TRIM23: variants seen among roughly 807,000 people sequenced by gnomAD.
The protein encoded by TRIM23 is tripartite motif containing 23.
A neutral mutation model predicts 71.0 loss-of-function variants in TRIM23; 27 were observed. That is an observed-to-expected ratio of 0.38 (90% CI 0.28 to 0.52). The LOEUF (loss-of-function observed/expected upper bound fraction) is 0.52. TRIM23 is among the 20% of genes least tolerant of loss of function. TRIM23 has a pLI of 0.84. For missense variants in TRIM23, 482 were observed against 692.3 expected (o/e 0.70, Z 3.41); for synonymous variants, 234 against 238.0 (o/e 0.98, Z 0.16).
At chr5:65,608,294 C>T (rs991080954) in intron 6 of TRIM23, among the ~76,000 whole-genome samples, 2 of 152,012 alleles carry the variant, frequency 1.3e-5, no homozygotes, top group Admixed American at 1.3e-4. Context: ...ATTATGAGGT[C>T]TGTAGAGTTC....
chr5:65,595,854 G>A (rs1036058235), intron 9 of TRIM23, among the ~76,000 whole-genome samples: 26 of 152,130 alleles, frequency 1.7e-4, no homozygotes, highest in Non-Finnish European at 3.8e-4. Context: ...CGGCATGAGC[G>A]TAAGCATTAT....
chr5:65,593,135 T>A (rs1754090038), intron 10 of TRIM23, among the ~76,000 whole-genome samples: 1 of 152,106 alleles, frequency 6.6e-6, no homozygotes, highest in Admixed American at 6.6e-5. Flanking sequence ...CTCAGTTTAA[T>A]AACCCACGAA....
Position 65,590,605 on chromosome 5 carries a change from T to C in TRIM23, c.*1164A>G. The C allele has an allele frequency of 2.0e-6, 2 of 1,006,458 alleles. No homozygotes were observed. Among genetic ancestry groups the C allele is most frequent in the Non-Finnish European group, 2.4e-6 (2 of 836,358 alleles). 62.3% of individuals were successfully genotyped at this position (1,006,458 alleles called of 1,614,324 possible). A position where few individuals can be genotyped will look rare whatever the true frequency, so the allele number is the denominator to read the frequency against. On this transcript the variant is annotated 3_prime_UTR_variant, in exon 11 of 11. Transcript: ENST00000231524. ...ATAAATCGTGCTTCCATAATAATATTCTTTAAAAATGAAAAACAGTAAAGA... is the reference window on the plus strand; with the variant it reads ...ATAAATCGTGCTTCCATAATAATATCCTTTAAAAATGAAAAACAGTAAAGA...
chr5:65,603,961 G>A (rs1266577324), intron 7 of TRIM23, among the ~76,000 whole-genome samples: 1 of 88,396 alleles, frequency 1.1e-5, no homozygotes, highest in African/African-American at 5.6e-5. Flanking sequence ...TGATATTTTG[G>A]CTTTTTTTTT....
intron 1 of TRIM23, among the ~76,000 whole-genome samples, chr5:65,622,460 C>T (rs373299189): frequency 6.6e-6 from 1 of 152,298 alleles, no homozygotes; most frequent in East Asian, 1.9e-4. Context: ...GCTTTACAGG[C>T]GTGTGCCACC....
At chr5:65,614,679 G>A (rs1400835753) in intron 2 of TRIM23, among the ~76,000 whole-genome samples, 3 of 148,242 alleles carry the variant, frequency 2.0e-5, no homozygotes, top group Admixed American at 6.8e-5. Context: ...AGGTTGCAGT[G>A]AGCCAAGATC....
In TRIM23 at chr5:65,591,086, T is replaced by C; in HGVS notation, c.*683A>G. On this transcript the variant is annotated 3_prime_UTR_variant, in exon 11 of 11. Transcript: ENST00000231524. The stretch of plus-strand genomic sequence containing the variant: ...CACAGTTTTATTACTGTTCAGTTTA[T>C]TACTAACCTGACAAGCCTAATTGGG... The C allele has an allele frequency of 5.9e-6, 6 of 1,015,600 alleles. No individual in the cohort carries two copies. The highest frequency in any genetic ancestry group is 7.1e-6 in the Non-Finnish European group (6 of 850,082). 62.9% of individuals were successfully genotyped at this position (1,015,600 alleles called of 1,614,324 possible).
intron 1 of TRIM23, among the ~76,000 whole-genome samples, chr5:65,622,436 C>T (rs1404901426): frequency 1.3e-5 from 2 of 152,160 alleles, no homozygotes; most frequent in Admixed American, 1.3e-4. Flanking sequence ...CAAAGTGCTT[C>T]CCAGGCACTT....
intron 7 of TRIM23, among the ~76,000 whole-genome samples, chr5:65,603,423 G>A (rs543353463): frequency 6.0e-4 from 92 of 152,096 alleles, no homozygotes; most frequent in South Asian, 1.7e-3. Context: ...GTACAGCTAA[G>A]TAAAAAGAGC....
chr5:65,602,347 G>A (rs35455678), intron 7 of TRIM23, among the ~76,000 whole-genome samples: 7,471 of 152,120 alleles, frequency 0.049, 333 homozygotes, highest in African/African-American at 0.1. Context: ...AGTCACCTTC[G>A]TTCCAGTTCC....
chr5:65,590,423 T>C lies in TRIM23; in HGVS notation c.*1346A>G, dbSNP rs755532230. 7.2e-7 allele frequency: 1 copy of C among 1,388,464 alleles called. No individual in the cohort carries two copies. Among genetic ancestry groups the C allele is most frequent in the Non-Finnish European group, 9.4e-7 (1 of 1,066,732 alleles). The allele number at this position is 1,388,464 out of a possible 1,614,324, so 86.0% of individuals were successfully genotyped here. A position where few individuals can be genotyped will look rare whatever the true frequency, so the allele number is the denominator to read the frequency against. On this transcript the variant is annotated 3_prime_UTR_variant, in exon 11 of 11. Coordinates refer to ENST00000231524, the MANE Select transcript of TRIM23 (RefSeq NM_001656.4). ...GTATTGTTTTTAAACAAAAATAGAT[T>C]TGAAAAGAATGAACCACAACAGTGC...
At chr5:65,602,403 C>T (rs545085902) in intron 7 of TRIM23, among the ~76,000 whole-genome samples, 4 of 152,152 alleles carry the variant, frequency 2.6e-5, no homozygotes, top group Non-Finnish European at 2.9e-5. Context: ...GCCTGGATTT[C>T]GCCATCCATA....
At chr5:65,606,191 C>T (rs1345163088) in intron 6 of TRIM23, among the ~76,000 whole-genome samples, 2 of 152,182 alleles carry the variant, frequency 1.3e-5, no homozygotes, top group African/African-American at 2.4e-5. Flanking sequence ...CACCTGTAGT[C>T]CCAGCACTTT....
At chr5:65,601,180 T>G (rs1386909950) in intron 7 of TRIM23, among the ~76,000 whole-genome samples, 1 of 152,212 alleles carries the variant, frequency 6.6e-6, no homozygotes, top group African/African-American at 2.4e-5. Context: ...CTTGAAGAGA[T>G]ATTTGTACAC....
chr5:65,594,562 CT>C lies in TRIM23; in HGVS notation c.1503del (p.Glu502AsnfsTer8). On this transcript the variant is annotated frameshift_variant, in exon 10 of 11. Transcript: ENST00000231524. LOFTEE classifies it high-confidence loss of function. ...HSELAKLLTEKELRDALLLIF... is the reference protein window; with the variant it reads ...HSELAKLLTEXELRDALLLIF... ...ATCAGGAGCAGAGCATCTCGGAGTT[CT>C]TTTTCCGTTAACAACTTTGCAAGTT... is the stretch of plus-strand genomic sequence containing the variant. 1 of 1,612,684 alleles carries C rather than the reference CT, an allele frequency of 6.2e-7. No individual in the cohort carries two copies. The highest frequency in any genetic ancestry group is 1.1e-5 in the South Asian group (1 of 90,782).
intron 10 of TRIM23, 24 bp downstream of exon 10, chr5:65,594,497 T>C (rs547459572): frequency 4.4e-6 from 7 of 1,593,488 alleles, no homozygotes; most frequent in East Asian, 2.2e-5. Context: ...CTAAAATAAA[T>C]ATTCCAATAT....
intron 7 of TRIM23, among the ~76,000 whole-genome samples, chr5:65,600,280 C>T (rs890334491): frequency 6.6e-6 from 1 of 152,062 alleles, no homozygotes; most frequent in Admixed American, 6.5e-5. Context: ...ATATCAGCTA[C>T]AATAATGAAA....
chr5:65,594,522 T>C lies in TRIM23; in HGVS notation c.1544A>G (p.Gln515Arg), dbSNP rs761312543. Reference sequence around the variant, plus strand: ...TATTCCAATATAAAAATGCATTACCTGTTTGTTAGCAAAAATCAGGAGCAG... The same window carrying C: ...TATTCCAATATAAAAATGCATTACCCGTTTGTTAGCAAAAATCAGGAGCAG... Reference protein sequence around the residue: ...DALLLIFANKQDVAGALSVEE... With the variant: ...DALLLIFANKRDVAGALSVEE... The change falls in exon 10 of 11, where the codon CAG (glutamine) becomes CGG (arginine). Residue 515 changes from glutamine to arginine, a missense_variant and splice_region_variant. This residue lies in a region of TRIM23 where 307 missense variants were observed against 495.8 expected (regional missense o/e 0.62). Transcript: ENST00000231524. 2.4e-5 allele frequency: 39 copies of C among 1,604,206 alleles called. No individual in the cohort carries two copies. Among genetic ancestry groups the C allele is most frequent in the South Asian group, 1.5e-4 (13 of 88,298 alleles).
intron 3 of TRIM23, among the ~76,000 whole-genome samples, chr5:65,612,234 C>A (rs1229916652): frequency 6.6e-6 from 1 of 152,104 alleles, no homozygotes; most frequent in Non-Finnish European, 1.5e-5. Flanking sequence ...TGTAAAACTA[C>A]AAAAATCTGA....
Sources: gnomAD v4.1 joint callset for allele counts (sites outside exome capture counted in the v4.1 genomes callset) on GRCh38, gnomAD v4.1.1 for gene constraint, gnomAD v4.1.1 regional missense constraint, MANE v1.5 for transcripts, NCBI Gene and HGNC (gene_info 2026-07-23, HGNC 2026-07-21) for gene names.